DNHD1: variants seen among roughly 807,000 people sequenced by gnomAD.
The protein encoded by DNHD1 is dynein heavy chain domain-containing protein 1.
A neutral mutation model predicts 458.1 loss-of-function variants in DNHD1; 383 were observed. The ratio of observed to expected loss-of-function variants is 0.84; its 90% CI spans 0.77 to 0.91. The LOEUF (loss-of-function observed/expected upper bound fraction) is 0.91. Among genes scored for constraint, DNHD1 ranks in the 40% least tolerant of loss-of-function variants. DNHD1 has a pLI of 0.00. For missense variants in DNHD1, 5,336 were observed against 5,866.1 expected, an observed-to-expected ratio of 0.91 and a Z score of 2.95; for synonymous variants, 2,203 against 2,376.9, an observed-to-expected ratio of 0.93 and a Z score of 2.13.
chr11:6,522,055 A>T (rs1302274317), intron 10 of DNHD1, among the ~76,000 whole-genome samples: 1 of 152,222 alleles, frequency 6.6e-6, no homozygotes, highest in Non-Finnish European at 1.5e-5. Context: ...CTTTAAAAAA[A>T]TTAAAAAGTT....
intron 10 of DNHD1, among the ~76,000 whole-genome samples, chr11:6,524,159 A>G (rs904773382): frequency 2.6e-5 from 4 of 152,290 alleles, no homozygotes; most frequent in Admixed American, 6.5e-5. Flanking sequence ...GTATAGCACC[A>G]TATTGCCTGA....
At position 6,570,274 on chromosome 11, in the gene DNHD1, G is replaced by A; in HGVS notation, c.12983G>A (p.Gly4328Glu). The A allele has an allele frequency of 6.2e-7, 1 of 1,613,722 alleles. No individual in the cohort carries two copies. The highest frequency in any genetic ancestry group is 8.5e-7 in the Non-Finnish European group (1 of 1,179,778). The change falls in exon 41 of 43, where the codon GGG becomes GAG. Residue 4328 changes from glycine to glutamate, a missense_variant. By Grantham distance (98) the Gly-to-Glu change is moderately conservative. Transcript: ENST00000254579. ...TCAGTTTTCTACGGGGGTCCTCTGG[G>A]GGACACTGAGGACAGGGAGGCCCTG... is the stretch of plus-strand genomic sequence containing the variant. ...AASVFYGGPL[G>E]DTEDREALIS... is the part of the protein sequence containing the mutation.
intron 25 of DNHD1, 21 bp downstream of exon 25, chr11:6,558,318 T>A: frequency 4.5e-6 from 7 of 1,546,678 alleles, no homozygotes; most frequent in Non-Finnish European, 6.1e-6. Context: ...GAACCCCATA[T>A]GCGAATCTGC....
intron 6 of DNHD1, 25 bp downstream of exon 6, chr11:6,509,297 A>T: frequency 1.3e-6 from 2 of 1,569,394 alleles, no homozygotes; most frequent in Non-Finnish European, 1.7e-6. Context: ...ACACAACTTC[A>T]TTGAGTTTTT....
Position 6,553,923 on chromosome 11 carries a change from T to C in DNHD1, c.7388-2760T>C, listed in dbSNP as rs1853411351. Among the ~76,000 whole-genome samples the C allele has an allele frequency of 2.6e-5, 4 of 151,990 alleles. No homozygotes were observed. In the South Asian group the frequency reaches 8.3e-4, roughly 32 times the overall value. On this transcript the variant is annotated intron_variant, in intron 24 of 42. Coordinates refer to ENST00000254579, the MANE Select transcript of DNHD1 (RefSeq NM_144666.3). ...AAGGTCTTCATTCTCCCCCAAATGA[T>C]CTATAGATTCAATGCAATGCCAAGC...
chr11:6,548,557 C>G lies in DNHD1; in HGVS notation c.7099-88C>G. 2 of 1,504,378 alleles carry G rather than the reference C, an allele frequency of 1.3e-6. No homozygotes were observed. The highest frequency in any genetic ancestry group is 1.8e-6 in the Non-Finnish European group (2 of 1,113,046). 93.2% of individuals were successfully genotyped at this position (1,504,378 alleles called of 1,614,324 possible). On this transcript the variant is annotated intron_variant, in intron 23 of 42. Coordinates refer to ENST00000254579, the MANE Select transcript of DNHD1 (RefSeq NM_144666.3). The surrounding 1 kb of genome is among the most constrained non-coding windows in gnomAD (Gnocchi z 4.4). ...CATGAAATATTTTCCAAGTACAGCT[C>G]TAGGACAAGTCCCTTAGACTTTTAT... is the stretch of plus-strand genomic sequence containing the variant.
chr11:6,566,768 G>C lies in DNHD1; in HGVS notation c.11385+3G>C. 1 of 1,608,558 alleles carries C rather than the reference G, an allele frequency of 6.2e-7. No homozygotes were observed. The highest frequency in any genetic ancestry group is 8.5e-7 in the Non-Finnish European group (1 of 1,177,294). On this transcript the variant is annotated splice_donor_region_variant and intron_variant, in intron 35 of 42. Coordinates refer to ENST00000254579, the MANE Select transcript of DNHD1 (RefSeq NM_144666.3). ...GCAAGGCTGTGGAGGCTGCTGAGGT[G>C]CTTGGGGGCTCAGTCTGTGGGTTGA...
chr11:6,511,400 C>T lies in DNHD1; in HGVS notation c.1363C>T (p.Leu455=), dbSNP rs1852333352. 1.2e-6 allele frequency: 2 copies of T among 1,614,104 alleles called. No individual in the cohort carries two copies. The highest frequency in any genetic ancestry group is 2.7e-5 in the African/African-American group (2 of 74,932). Residue 455 remains leucine (L), a synonymous_variant, in exon 7 of 43, where the codon CTA becomes TTA. Coordinates refer to ENST00000254579, the MANE Select transcript of DNHD1 (RefSeq NM_144666.3). ...HKALRLLHRC[L]NLCTSILRLV... is the part of the protein sequence containing the mutation. ...GGCTCTACGGCTGCTCCATCGTTGCCTAAACCTCTGCACATCCATTCTTCG... is the reference window on the plus strand; with the variant it reads ...GGCTCTACGGCTGCTCCATCGTTGCTTAAACCTCTGCACATCCATTCTTCG...
intron 4 of DNHD1, among the ~76,000 whole-genome samples, chr11:6,507,628 A>G (rs1852255055): frequency 6.6e-6 from 1 of 152,200 alleles, no homozygotes. Flanking sequence ...TCCATTAAGT[A>G]GGTCATAGGA....
intron 39 of DNHD1, 40 bp from the exon 40 acceptor site, chr11:6,569,969 G>A: frequency 6.4e-7 from 1 of 1,565,840 alleles, no homozygotes; most frequent in Non-Finnish European, 8.8e-7. Context: ...TCAGCATATA[G>A]ATGATATGTG....
chr11:6,533,638 A>G, intron 13 of DNHD1, 43 bp from the exon 14 acceptor site: 2 of 1,513,260 alleles, frequency 1.3e-6, no homozygotes. Flanking sequence ...AAAGAGGTAC[A>G]TGGGGTTGTG....
At chr11:6,544,056 C>A in intron 18 of DNHD1, 65 bp from the exon 19 acceptor site, 1 of 1,530,910 alleles carries the variant, frequency 6.5e-7, no homozygotes, top group Admixed American at 2.0e-5. Context: ...CCCTGGTCTC[C>A]TCTTCTCTCC....
At position 6,528,404 on chromosome 11, in the gene DNHD1, G is replaced by GGGGTGT. The variant is rs1554964598; in HGVS notation, c.1838-117_1838-116insGGTGTG. 1.7e-3 allele frequency: 1,494 copies of GGGGTGT among 881,280 alleles called. 13 individuals carry two copies. The African/African-American group carries it at 0.023, about 14-fold the overall frequency. 54.6% of individuals were successfully genotyped at this position (881,280 alleles called of 1,614,324 possible). A position where few individuals can be genotyped will look rare whatever the true frequency, so the allele number is the denominator to read the frequency against. ...TTAACTCACTCATGAGCAGCGAATG[G>GGGGTGT]GTGTGTGTGTGTGTGTGTGTGTGTG... is the stretch of plus-strand genomic sequence containing the variant. On this transcript the variant is annotated intron_variant, in intron 10 of 42. Coordinates refer to ENST00000254579, the MANE Select transcript of DNHD1 (RefSeq NM_144666.3).
intron 14 of DNHD1, among the ~76,000 whole-genome samples, chr11:6,537,430 C>T (rs954298540): frequency 1.3e-5 from 2 of 151,508 alleles, no homozygotes; most frequent in Non-Finnish European, 2.9e-5. Context: ...CATCAGTGAA[C>T]AAATGATAAA....
intron 24 of DNHD1, among the ~76,000 whole-genome samples, chr11:6,554,648 A>G (rs1267140845): frequency 6.6e-6 from 1 of 152,168 alleles, no homozygotes; most frequent in East Asian, 1.9e-4. Context: ...TTCACAAAAG[A>G]TGTATGAGTG....
At chr11:6,537,543 G>GAAAA (rs35094892) in intron 14 of DNHD1, among the ~76,000 whole-genome samples, 2 of 142,396 alleles carry the variant, frequency 1.4e-5, no homozygotes, top group Non-Finnish European at 3.1e-5. Context: ...AAGTGATAGA[G>GAAAA]AAAAAAAAAA....
Position 6,548,663 on chromosome 11 carries a change from G to A in DNHD1, c.7117G>A (p.Val2373Met), listed in dbSNP as rs1211598598. The A allele has an allele frequency of 6.4e-7, 1 of 1,551,626 alleles. No homozygotes were observed. The highest frequency in any genetic ancestry group is 2.4e-5 in the East Asian group (1 of 40,924). Residue 2373 changes from valine (V) to methionine (M), a missense_variant, in exon 24 of 43, where the codon GTG (valine) becomes ATG (methionine). Around this residue, in one of 4 missense-constraint regions of DNHD1, gnomAD observed 3,932 missense variants for 4,365.6 expected, o/e 0.90. Transcript: ENST00000254579. This position sits in a 1 kb window ranked among gnomAD's most constrained non-coding sequence, Gnocchi z 4.4. ...CTTGCAGACTGAACGGCTCTTGTAT[G>A]TGGTGGACCTGCTTCTGTCAGGGGG... ...PSIQTERLLY[V>M]VDLLLSGGQP...
chr11:6,528,690 G>A lies in DNHD1; in HGVS notation c.2006G>A (p.Gly669Asp). The A allele has an allele frequency of 6.4e-7, 1 of 1,551,734 alleles. No homozygotes were observed. The highest frequency in any genetic ancestry group is 1.4e-5 in the African/African-American group (1 of 73,174). The change falls in exon 11 of 43, where the codon GGC becomes GAC. Residue 669 changes from glycine to aspartate, a missense_variant. This residue lies in a region of DNHD1 where 3,932 missense variants were observed against 4,365.6 expected (regional missense o/e 0.90). Coordinates refer to ENST00000254579, the MANE Select transcript of DNHD1 (RefSeq NM_144666.3). ...GAGGTCCGTGGATGTCGGCTGCGGG[G>A]CCAATACTTCCCCCACAATTATAAG... Reference protein sequence around the residue: ...ILEVRGCRLRGQYFPHNYKQL... With the variant: ...ILEVRGCRLRDQYFPHNYKQL...
rs556381977 is a variant in DNHD1 at position 6,548,059 on chromosome 11, G to A, written c.6905+19G>A. On this transcript the variant is annotated intron_variant, in intron 22 of 42. Transcript: ENST00000254579. The surrounding 1 kb of genome is among the most constrained non-coding windows in gnomAD (Gnocchi z 4.4). ...CCTCCAGGTACCTACCAGGATGGGG[G>A]ATGGGAGATGCAGAGGGCTGAGATG... The A allele has an allele frequency of 6.4e-7, 1 of 1,551,570 alleles. No individual in the cohort carries two copies. Among genetic ancestry groups the A allele is most frequent in the African/African-American group, 1.4e-5 (1 of 73,042 alleles).
Sources: allele counts gnomAD v4.1 joint callset (sites outside exome capture counted in the v4.1 genomes callset), GRCh38; gene constraint gnomAD v4.1.1; regional missense constraint gnomAD v4.1.1; non-coding constraint Gnocchi (gnomAD v3.1); transcripts MANE v1.5; gene names NCBI Gene and HGNC (gene_info 2026-07-23, HGNC 2026-07-21).